The following ZNF451 variants were observed in gnomAD, a reference collection of about 807,000 sequenced individuals.
ZNF451 encodes the protein E3 SUMO-protein ligase ZNF451.
In ZNF451, 80 loss-of-function variants were observed where a neutral mutation model predicts 107.1. The ratio of observed to expected loss-of-function variants is 0.75; its 90% confidence interval spans 0.62 to 0.90. The LOEUF is 0.90. Ranked by LOEUF, ZNF451 falls within the 40% of genes least tolerant of loss-of-function variation. The pLI, the probability that ZNF451 is intolerant of heterozygous loss-of-function variation, is 0.00. For missense variants in ZNF451, 1,107 were observed against 1,236.2 expected (o/e 0.90, Z 1.57); for synonymous variants, 362 against 406.5 (o/e 0.89, Z 1.32).
intron 3 of ZNF451, chr6:57,103,601 G>A (rs1404772726): frequency 2.0e-5 from 20 of 985,142 alleles, no homozygotes; most frequent in Non-Finnish European, 2.4e-5. Flanking sequence ...AAATTTGAGG[G>A]GTCTGAATAC....
Position 57,154,066 on chromosome 6 carries a change from A to G in ZNF451, c.3070+19A>G. ...ACCAAAGGTACGCAGCTGCAGTCAC[A>G]GTGCAAACCACCCAAGAGGAGGAGA... On this transcript the variant is annotated intron_variant, in intron 13 of 14. Transcript: ENST00000370706. The G allele has an allele frequency of 6.2e-7, 1 of 1,613,606 alleles. No individual in the cohort carries two copies.
At chr6:57,093,414 G>C (rs2127929958) in intron 2 of ZNF451, among the ~76,000 whole-genome samples, 1 of 152,282 alleles carries the variant, frequency 6.6e-6, no homozygotes, top group Admixed American at 6.5e-5. Flanking sequence ...AGTATTATTT[G>C]GCTGGGTGTC....
intron 5 of ZNF451, among the ~76,000 whole-genome samples, chr6:57,131,362 C>T (rs1271779363): frequency 1.3e-5 from 2 of 152,102 alleles, no homozygotes; most frequent in Admixed American, 1.3e-4. Context: ...CCTCCCCACC[C>T]CTCCACCCAG....
At chr6:57,104,098 G>A (rs1267996025) in intron 3 of ZNF451, 2 of 984,306 alleles carry the variant, frequency 2.0e-6, no homozygotes, top group Admixed American at 6.2e-5. Context: ...TTATTTTTCT[G>A]TATTTTACTC....
At chr6:57,161,225 A>G in intron 14 of ZNF451, 73 bp downstream of exon 14, 1 of 815,888 alleles carries the variant, frequency 1.2e-6, no homozygotes, top group Non-Finnish European at 1.8e-6. Context: ...TCTGTCTCTC[A>G]CCCATTCACC....
chr6:57,120,035 A>G (rs1363524663), intron 3 of ZNF451, among the ~76,000 whole-genome samples: 1 of 152,138 alleles, frequency 6.6e-6, no homozygotes, highest in Non-Finnish European at 1.5e-5. Context: ...AGTATTACTG[A>G]AAATAGTTTG....
intron 3 of ZNF451, among the ~76,000 whole-genome samples, chr6:57,113,258 G>A (rs1244736314): frequency 3.3e-5 from 5 of 150,848 alleles, no homozygotes; most frequent in African/African-American, 9.7e-5. Context: ...CTGTTCCTGT[G>A]TTAGTTCACT....
chr6:57,140,869 C>T (rs1831721954), intron 7 of ZNF451, among the ~76,000 whole-genome samples: 1 of 152,078 alleles, frequency 6.6e-6, no homozygotes, highest in Non-Finnish European at 1.5e-5. Context: ...GACATTCCCC[C>T]TTATTTCTAT....
intron 3 of ZNF451, among the ~76,000 whole-genome samples, chr6:57,119,741 A>G (rs189642992): frequency 6.6e-6 from 1 of 152,028 alleles, no homozygotes; most frequent in African/African-American, 2.4e-5. Flanking sequence ...CTCCATTAAC[A>G]TATTTTGTGC....
intron 12 of ZNF451, among the ~76,000 whole-genome samples, chr6:57,152,685 C>CA: frequency 6.6e-6 from 1 of 152,266 alleles, no homozygotes; most frequent in East Asian, 1.9e-4. Context: ...CCTCAGCCCC[C>CA]TGGGCTGAAA....
At chr6:57,114,737 CAAACA>C (rs1342735399) in intron 3 of ZNF451, among the ~76,000 whole-genome samples, 2 of 152,012 alleles carry the variant, frequency 1.3e-5, no homozygotes, top group African/African-American at 2.4e-5. Flanking sequence ...ATTATGTTCC[CAAACA>C]AAAGACTGAG....
chr6:57,132,899 A>G (rs1831251325), intron 5 of ZNF451, 143 bp from the exon 6 acceptor site: 4 of 801,570 alleles, frequency 5.0e-6, no homozygotes, highest in East Asian at 2.7e-5. Context: ...ATCTTTTATA[A>G]GAGAGGTTTT....
chr6:57,109,447 C>T (rs1482641212), intron 3 of ZNF451: 6 of 985,304 alleles, frequency 6.1e-6, no homozygotes, highest in Non-Finnish European at 7.2e-6. Flanking sequence ...AGTTTTCTTA[C>T]TCTCAAATGA....
chr6:57,126,033 C>G (rs907497464), intron 4 of ZNF451, among the ~76,000 whole-genome samples: 4 of 151,968 alleles, frequency 2.6e-5, no homozygotes, highest in Admixed American at 6.6e-5. Context: ...CTAAGTGATG[C>G]TAGCTTCTTT....
rs398001706 is a variant in ZNF451, at chr6:57,163,436, CTTTTTTTTTTTTTTTTTTT to C, written c.3139+2298_3139+2316del. Among the ~76,000 whole-genome samples, 18 of 30,340 alleles carry C rather than the reference CTTTTTTTTTTTTTTTTTTT, an allele frequency of 5.9e-4. 2 individuals carry two copies. The highest frequency in any genetic ancestry group is 0.042 in the Middle Eastern group (1 of 24). The allele number at this position is 30,340 out of a possible 152,430, so 19.9% of individuals were successfully genotyped here. A position where few individuals can be genotyped will look rare whatever the true frequency, so the allele number is the denominator to read the frequency against. On this transcript the variant is annotated intron_variant, in intron 14 of 14. Transcript: ENST00000370706. ...AATGGTTGCTTGTTAAATGAATAAA[CTTTTTTTTTTTTTTTTTTT>C]TTTTTTTTTTTTTGAGACGGAGTCT...
intron 3 of ZNF451, among the ~76,000 whole-genome samples, chr6:57,111,484 G>A (rs1426949360): frequency 1.3e-5 from 2 of 151,742 alleles, no homozygotes; most frequent in Non-Finnish European, 2.9e-5. Context: ...GGGTTCAAGC[G>A]ATTCTCTTGC....
At chr6:57,154,304 AC>A in intron 13 of ZNF451, 1 of 552,340 alleles carries the variant, frequency 1.8e-6, no homozygotes, top group South Asian at 2.7e-5. Flanking sequence ...TGTATATAAA[AC>A]ATATATTCAT....
At chr6:57,091,957 C>A (rs907034446) in intron 2 of ZNF451, among the ~76,000 whole-genome samples, 8 of 152,054 alleles carry the variant, frequency 5.3e-5, no homozygotes, top group African/African-American at 1.9e-4. Context: ...TTCCCTTTAC[C>A]AGTGTATGTT....
In ZNF451 at chr6:57,158,884, A is replaced by G. The variant is rs540293060; in HGVS notation, c.3071-2200A>G. The G allele has an allele frequency of 1.4e-5, 14 of 985,480 alleles. No individual in the cohort carries two copies. The African/African-American group carries it at 1.7e-4, about 12-fold the overall frequency. The allele number at this position is 985,480 out of a possible 1,614,324, so 61.0% of individuals were successfully genotyped here. A position where few individuals can be genotyped will look rare whatever the true frequency, so the allele number is the denominator to read the frequency against. The stretch of plus-strand genomic sequence containing the variant: ...GAAGCAGTAAGTAGGGTTGGCATCT[A>G]TGAGTCATACCAATTACACAGATTT... On this transcript the variant is annotated intron_variant, in intron 13 of 14. Transcript: ENST00000370706.
Sources: allele counts gnomAD v4.1 joint callset (sites outside exome capture counted in the v4.1 genomes callset), GRCh38; gene constraint gnomAD v4.1.1; transcripts MANE v1.5; gene names NCBI Gene and HGNC (gene_info 2026-07-23, HGNC 2026-07-21).